The following CD55 variants were observed in gnomAD, a reference collection of about 807,000 sequenced individuals.
CD55 encodes the protein CD55 molecule (Cromer blood group).
A neutral mutation model predicts 45.8 loss-of-function variants in CD55; 41 were observed. The observed-to-expected ratio is 0.90, with a 90% CI of 0.70 to 1.16. The LOEUF is 1.16. CD55 is among the 50% of genes most tolerant of loss of function. The probability of loss-of-function intolerance (pLI) is 0.00; values close to 1 mark genes in which losing one functional copy is unlikely to be tolerated. For missense variants in CD55, 416 were observed against 469.8 expected (o/e 0.89, Z 1.06); for synonymous variants, 181 against 181.1 (o/e 1.00, Z 0.01).
At position 207,359,556 on chromosome 1, in the gene CD55, T is replaced by C; in HGVS notation, c.1092T>C (p.Cys364=). ...TTTTTTAATTTTCAGGGCACACGTGTTTCACGTTGACAGGTTTGCTTGGGA... is the reference window on the plus strand; with the variant it reads ...TTTTTTAATTTTCAGGGCACACGTGCTTCACGTTGACAGGTTTGCTTGGGA... ...GTTRLLSGHT[C]FTLTGLLGTL... The change falls in exon 10 of 10, where the codon TGT becomes TGC. Residue 364 remains cysteine, a synonymous_variant. Coordinates refer to ENST00000367064, the MANE Select transcript of CD55 (RefSeq NM_000574.5). 1 of 1,587,010 alleles carries C rather than the reference T, an allele frequency of 6.3e-7. No homozygotes were observed. The highest frequency in any genetic ancestry group is 8.5e-7 in the Non-Finnish European group (1 of 1,169,694).
In CD55 at chr1:207,326,739, C is replaced by G; in HGVS notation, c.579-13C>G. The G allele has an allele frequency of 6.2e-7, 1 of 1,602,490 alleles. No individual in the cohort carries two copies. Among genetic ancestry groups the G allele is most frequent in the African/African-American group, 1.3e-5 (1 of 74,594 alleles). The stretch of plus-strand genomic sequence containing the variant: ...AATGTAACAAACTCTTTTTTCTTCC[C>G]CTGTTGCTTTAGGTACAAATTATTT... On this transcript the variant is annotated splice_polypyrimidine_tract_variant and intron_variant, in intron 4 of 9. Coordinates refer to ENST00000367064, the MANE Select transcript of CD55 (RefSeq NM_000574.5).
chr1:207,357,260 T>G (rs1386035625), intron 9 of CD55, among the ~76,000 whole-genome samples: 1 of 152,142 alleles, frequency 6.6e-6, no homozygotes, highest in African/African-American at 2.4e-5. Flanking sequence ...ATAGCAAATA[T>G]AGTAAGACAT....
rs1323997429 is a variant in CD55, at chr1:207,360,928, A to G, written c.*1318A>G. ...ATGGCATTTCACTGTAAAGACTTTA[A>G]TGTGTATTTCTTAAAATAAAACTTT... On this transcript the variant is annotated 3_prime_UTR_variant, in exon 10 of 10. Transcript: ENST00000367064. The G allele has an allele frequency of 6.6e-6, 1 of 152,146 alleles. No homozygotes were observed. Among genetic ancestry groups the G allele is most frequent in the African/African-American group, 2.4e-5 (1 of 41,442 alleles). The allele number at this position is 152,146 out of a possible 1,614,324, so 9.4% of individuals were successfully genotyped here.
At chr1:207,340,842 TA>T (rs1655395759) in intron 9 of CD55, 3 of 391,338 alleles carry the variant, frequency 7.7e-6, no homozygotes, top group South Asian at 1.7e-4. Context: ...AAGATAGTTA[TA>T]TTTTTTTATG....
chr1:207,349,041 A>G (rs1043245859), intron 9 of CD55, among the ~76,000 whole-genome samples: 5 of 152,000 alleles, frequency 3.3e-5, no homozygotes, highest in African/African-American at 7.2e-5. Flanking sequence ...TGTTTTGGCT[A>G]TTTGGGTTCT....
At chr1:207,347,511 C>T (rs540061416) in intron 9 of CD55, 11 of 279,344 alleles carry the variant, frequency 3.9e-5, no homozygotes, top group Middle Eastern at 4.4e-4. Context: ...CTGCCTGCCT[C>T]GGCCTCCCAA....
chr1:207,321,880 G>T lies in CD55; in HGVS notation c.100+15G>T. On this transcript the variant is annotated intron_variant, in intron 1 of 9. Coordinates refer to ENST00000367064, the MANE Select transcript of CD55 (RefSeq NM_000574.5). ...GGCCGTGTGGGGTGAGTAGGGGCCC[G>T]GCGGCCGGGGAAGCCCCTGGGCTGG... The T allele has an allele frequency of 6.6e-7, 1 of 1,503,934 alleles. No homozygotes were observed. The allele number at this position is 1,503,934 out of a possible 1,614,324, so 93.2% of individuals were successfully genotyped here.
chr1:207,332,917 AC>A lies in CD55; in HGVS notation c.853+1623del, dbSNP rs541599653. Among the ~76,000 whole-genome samples, 102 of 152,286 alleles carry A rather than the reference AC, an allele frequency of 6.7e-4. 1 individual carries two copies. The East Asian group carries it at 0.018, about 27-fold the overall frequency. ...CCCTAGGGACCTTTGCTGATTCTGA[AC>A]CTGGACTAAGGATTCACCTTGACCC... On this transcript the variant is annotated intron_variant, in intron 6 of 9. Transcript: ENST00000367064.
At chr1:207,345,594 T>C (rs1227279376) in intron 9 of CD55, among the ~76,000 whole-genome samples, 1 of 152,194 alleles carries the variant, frequency 6.6e-6, no homozygotes, top group Non-Finnish European at 1.5e-5. Context: ...TTGATTGGGA[T>C]CTGTTGCTGG....
Position 207,321,801 on chromosome 1 carries a change from G to C in CD55, c.36G>C (p.Leu12=). Residue 12 remains leucine (L), a synonymous_variant, in exon 1 of 10, where the codon CTG becomes CTC. Transcript: ENST00000367064. ...TVARPSVPAA[L]PLLGELPRLL... ...CGCGGCCGAGCGTGCCCGCGGCGCT[G>C]CCCCTCCTCGGGGAGCTGCCCCGGC... The C allele has an allele frequency of 6.6e-7, 1 of 1,526,708 alleles. No individual in the cohort carries two copies. The highest frequency in any genetic ancestry group is 8.8e-7 in the Non-Finnish European group (1 of 1,142,660). The allele number at this position is 1,526,708 out of a possible 1,614,324, so 94.6% of individuals were successfully genotyped here. A position where few individuals can be genotyped will look rare whatever the true frequency, so the allele number is the denominator to read the frequency against.
At chr1:207,357,229 CA>C (rs756345737) in intron 9 of CD55, among the ~76,000 whole-genome samples, 21 of 151,952 alleles carry the variant, frequency 1.4e-4, no homozygotes, top group Non-Finnish European at 2.4e-4. Flanking sequence ...TTAATATCAA[CA>C]AAATATTCTA....
chr1:207,330,271 T>G (rs189164253), intron 5 of CD55, among the ~76,000 whole-genome samples: 1 of 152,190 alleles, frequency 6.6e-6, no homozygotes, highest in East Asian at 1.9e-4. Context: ...TTCTGTGTTC[T>G]TAAGTATGTT....
intron 9 of CD55, chr1:207,340,603 C>A (rs897121068): frequency 1.5e-6 from 1 of 684,636 alleles, no homozygotes; most frequent in Admixed American, 2.1e-5. Context: ...AACTCCTGGC[C>A]GTAAGCGATT....
intron 9 of CD55, among the ~76,000 whole-genome samples, chr1:207,344,856 C>G (rs1371483380): frequency 6.6e-6 from 1 of 152,048 alleles, no homozygotes; most frequent in Non-Finnish European, 1.5e-5. Context: ...GCTGGGATTA[C>G]AGGTGTGTGT....
chr1:207,342,055 T>C (rs1655449521), intron 9 of CD55, among the ~76,000 whole-genome samples: 1 of 152,176 alleles, frequency 6.6e-6, no homozygotes, highest in Non-Finnish European at 1.5e-5. Flanking sequence ...TTCATTATTG[T>C]ATAGAAATGT....
rs774158242 is a variant in CD55 at position 207,331,100 on chromosome 1, T to A, written c.665-8T>A. On this transcript the variant is annotated splice_region_variant and splice_polypyrimidine_tract_variant and intron_variant, in intron 5 of 9. Coordinates refer to ENST00000367064, the MANE Select transcript of CD55 (RefSeq NM_000574.5). ...TTTATTTAAAAGATGTTGGAATTGT[T>A]TTTTAAGAAATTTATTGTCCAGCAC... is the stretch of plus-strand genomic sequence containing the variant. 13 of 1,590,242 alleles carry A rather than the reference T, an allele frequency of 8.2e-6. No individual in the cohort carries two copies. In the Admixed American group the frequency reaches 2.3e-4, roughly 28 times the overall value.
chr1:207,326,292 T>C (rs1654678394), intron 4 of CD55, among the ~76,000 whole-genome samples: 1 of 152,258 alleles, frequency 6.6e-6, no homozygotes, highest in Non-Finnish European at 1.5e-5. Context: ...ACTCTGTGTG[T>C]GTCCCTATTC....
At chr1:207,327,774 C>A (rs868110268) in intron 5 of CD55, among the ~76,000 whole-genome samples, 1 of 152,136 alleles carries the variant, frequency 6.6e-6, no homozygotes, top group Non-Finnish European at 1.5e-5. Context: ...TCAACTGACA[C>A]GAAGACAAAT....
intron 6 of CD55, among the ~76,000 whole-genome samples, chr1:207,332,227 T>C (rs1250927242): frequency 6.6e-6 from 1 of 152,138 alleles, no homozygotes; most frequent in Non-Finnish European, 1.5e-5. Context: ...ATTTATTATA[T>C]CAATGGTGTG....
Sources: allele counts gnomAD v4.1 joint callset (sites outside exome capture counted in the v4.1 genomes callset), GRCh38; gene constraint gnomAD v4.1.1; transcripts MANE v1.5; gene names NCBI Gene and HGNC (gene_info 2026-07-23, HGNC 2026-07-21).